GSK3B: variants seen among roughly 807,000 people sequenced by gnomAD.
GSK3B encodes the protein glycogen synthase kinase 3 beta.
Under a neutral mutation model 56.4 loss-of-function variants are expected in GSK3B, and 15 were observed. The ratio of observed to expected loss-of-function variants is 0.27; its 90% CI spans 0.18 to 0.41. The LOEUF (loss-of-function observed/expected upper bound fraction) is 0.41, where lower values mean the gene tolerates loss of function less well. Among genes scored for constraint, GSK3B ranks in the 10% least tolerant of loss-of-function variants. The probability of loss-of-function intolerance (pLI) is 1.00; values close to 1 mark genes in which losing one functional copy is unlikely to be tolerated. For synonymous variants in GSK3B, 181 were observed against 188.9 expected, an observed-to-expected ratio of 0.96 and a Z score of 0.34; for missense variants, 300 against 513.4, an observed-to-expected ratio of 0.58 and a Z score of 4.02.
chr3:119,990,344 A>G (rs1321948703), intron 2 of GSK3B, among the ~76,000 whole-genome samples: 2 of 152,078 alleles, frequency 1.3e-5, no homozygotes, highest in African/African-American at 4.8e-5. Context: ...TAAAACCAAT[A>G]TATACTCTTA....
intron 1 of GSK3B, among the ~76,000 whole-genome samples, chr3:120,046,104 G>A (rs2058100266): frequency 6.6e-6 from 1 of 151,782 alleles, no homozygotes; most frequent in Non-Finnish European, 1.5e-5. Context: ...GGGATGGGAG[G>A]AGGGGGATGA....
chr3:119,924,448 A>G (rs2056871812), intron 3 of GSK3B, among the ~76,000 whole-genome samples: 1 of 152,258 alleles, frequency 6.6e-6, no homozygotes, highest in Admixed American at 6.5e-5. Context: ...GCATTTACTG[A>G]GCATTTTCCA....
chr3:119,964,068 C>T (rs2057298071), intron 2 of GSK3B, among the ~76,000 whole-genome samples: 1 of 152,122 alleles, frequency 6.6e-6, no homozygotes, highest in Admixed American at 6.5e-5. Flanking sequence ...AGTAAGAAGG[C>T]AGCCTATGGA....
At chr3:119,941,217 A>G (rs1419090117) in intron 3 of GSK3B, among the ~76,000 whole-genome samples, 1 of 152,064 alleles carries the variant, frequency 6.6e-6, no homozygotes, top group Non-Finnish European at 1.5e-5. Context: ...GGGTTTCACC[A>G]TGTTAGCCAG....
chr3:119,859,080 A>T (rs745872676), intron 9 of GSK3B, among the ~76,000 whole-genome samples: 2 of 152,192 alleles, frequency 1.3e-5, no homozygotes, highest in African/African-American at 4.8e-5. Context: ...AGAGACACAA[A>T]ATAAACATAA....
intron 1 of GSK3B, among the ~76,000 whole-genome samples, chr3:120,050,036 C>T (rs1422249909): frequency 6.6e-6 from 1 of 152,212 alleles, no homozygotes; most frequent in Non-Finnish European, 1.5e-5. Context: ...GCCCTGGCTT[C>T]TGGTGAGGAC....
rs2055453706 is a variant in GSK3B, at chr3:119,823,836, G to GT, written c.*2951dup. ...GGAAGGGGCAAAGATACTGTTATGA[G>GT]TGAGTTATTATTTCAAAGGGAAAGG... On this transcript the variant is annotated 3_prime_UTR_variant, in exon 11 of 11. Transcript: ENST00000264235. 1 of 200,038 alleles carries GT rather than the reference G, an allele frequency of 5.0e-6. No homozygotes were observed. The highest frequency in any genetic ancestry group is 7.7e-5 in the East Asian group (1 of 12,982). The allele number at this position is 200,038 out of a possible 1,614,324, so 12.4% of individuals were successfully genotyped here.
rs1361420089 is a variant in GSK3B at position 119,822,856 on chromosome 3, T to C, written c.*3932A>G. Reference sequence around the variant, plus strand: ...CCTGGGGATCTGGCATTGGCCAAACTTCCTTTGGAAGATTCCAAAGTTAAA... The same window carrying C: ...CCTGGGGATCTGGCATTGGCCAAACCTCCTTTGGAAGATTCCAAAGTTAAA... On this transcript the variant is annotated 3_prime_UTR_variant, in exon 11 of 11. Coordinates refer to ENST00000264235, the MANE Select transcript of GSK3B (RefSeq NM_001146156.2). 1 of 228,110 alleles carries C rather than the reference T, an allele frequency of 4.4e-6. No individual in the cohort carries two copies. The highest frequency in any genetic ancestry group is 8.7e-6 in the Non-Finnish European group (1 of 114,956). 14.1% of individuals were successfully genotyped at this position (228,110 alleles called of 1,614,324 possible).
At position 120,005,618 on chromosome 3, in the gene GSK3B, T is replaced by C. The variant is rs192852255; in HGVS notation, c.89-3379A>G. Among the ~76,000 whole-genome samples, 14 of 152,180 alleles carry C rather than the reference T, an allele frequency of 9.2e-5. No individual in the cohort carries two copies. The East Asian group carries it at 2.7e-3, about 29-fold the overall frequency. On this transcript the variant is annotated intron_variant, in intron 1 of 10. Transcript: ENST00000264235. Reference sequence around the variant, plus strand: ...AAGCCAGAAGAGAGTAGGGGGAAAATATTCAACATTCTTAAAGAAAAGAAT... The same window carrying C: ...AAGCCAGAAGAGAGTAGGGGGAAAACATTCAACATTCTTAAAGAAAAGAAT...
intron 1 of GSK3B, among the ~76,000 whole-genome samples, chr3:120,071,410 G>GTGCA (rs2058325362): frequency 6.6e-6 from 1 of 152,154 alleles, no homozygotes; most frequent in Non-Finnish European, 1.5e-5. Flanking sequence ...CGCACAGCAG[G>GTGCA]AGGTGAGCAG....
chr3:120,047,849 T>C (rs2058116324), intron 1 of GSK3B, among the ~76,000 whole-genome samples: 1 of 152,314 alleles, frequency 6.6e-6, no homozygotes, highest in East Asian at 1.9e-4. Context: ...GATGAAGATG[T>C]TCTGTACTTA....
intron 2 of GSK3B, among the ~76,000 whole-genome samples, chr3:119,977,034 A>T (rs2057414953): frequency 1.3e-5 from 2 of 152,178 alleles, no homozygotes. Context: ...CAAATATCAA[A>T]TATCGTGCCT....
intron 4 of GSK3B, among the ~76,000 whole-genome samples, chr3:119,920,724 T>C (rs1464645339): frequency 6.6e-6 from 1 of 152,194 alleles, no homozygotes; most frequent in Non-Finnish European, 1.5e-5. Flanking sequence ...ACTACTATCA[T>C]TGAGAAATGA....
At position 120,093,993 on chromosome 3, in the gene GSK3B, G is replaced by A. The variant is rs1183589196; in HGVS notation, c.-559C>T. ...CGGGATCCGGCGGGCTGACGGCAGG[G>A]GCCCGGCGAACTAGAGGGCGGCGGA... On this transcript the variant is annotated 5_prime_UTR_variant, in exon 1 of 11. Coordinates refer to ENST00000264235, the MANE Select transcript of GSK3B (RefSeq NM_001146156.2). 5 of 214,890 alleles carry A rather than the reference G, an allele frequency of 2.3e-5. No individual in the cohort carries two copies. The highest frequency in any genetic ancestry group is 2.1e-4 in the East Asian group (3 of 14,504). 13.3% of individuals were successfully genotyped at this position (214,890 alleles called of 1,614,324 possible).
chr3:120,022,438 A>G (rs913352413), intron 1 of GSK3B, among the ~76,000 whole-genome samples: 1 of 152,240 alleles, frequency 6.6e-6, no homozygotes, highest in Non-Finnish European at 1.5e-5. Flanking sequence ...AGGTATGCAC[A>G]TATTAAATAA....
At chr3:120,072,984 T>A (rs2058338550) in intron 1 of GSK3B, among the ~76,000 whole-genome samples, 1 of 152,146 alleles carries the variant, frequency 6.6e-6, no homozygotes, top group African/African-American at 2.4e-5. Flanking sequence ...TAGTTAAGAA[T>A]AAGAGCTCTA....
intron 1 of GSK3B, among the ~76,000 whole-genome samples, chr3:120,013,166 G>T (rs1344341832): frequency 6.6e-6 from 1 of 152,128 alleles, no homozygotes; most frequent in African/African-American, 2.4e-5. Context: ...TGAATACGGT[G>T]ACATGGACCC....
chr3:120,081,511 C>T (rs912600995), intron 1 of GSK3B, among the ~76,000 whole-genome samples: 2 of 152,178 alleles, frequency 1.3e-5, no homozygotes, highest in African/African-American at 4.8e-5. Flanking sequence ...CGCGCCACTG[C>T]ACTCCAGCCT....
chr3:119,984,064 G>A (rs2057489993), intron 2 of GSK3B, among the ~76,000 whole-genome samples: 1 of 152,122 alleles, frequency 6.6e-6, no homozygotes, highest in Non-Finnish European at 1.5e-5. Context: ...ACTCAAAACT[G>A]CACAACTGCA....
Sources: allele counts gnomAD v4.1 joint callset (sites outside exome capture counted in the v4.1 genomes callset), GRCh38; gene constraint gnomAD v4.1.1; transcripts MANE v1.5; gene names NCBI Gene and HGNC (gene_info 2026-07-23, HGNC 2026-07-21).